Variants in SLIT3 observed in about 807,000 individuals in gnomAD.
SLIT3 encodes slit guidance ligand 3.
A neutral mutation model predicts 184.0 loss-of-function variants in SLIT3; 68 were observed. The observed-to-expected ratio is 0.37, with a 90% CI of 0.30 to 0.45. The LOEUF is 0.45. Ranked by LOEUF, SLIT3 falls within the 20% of genes least tolerant of loss-of-function variation. The probability of loss-of-function intolerance (pLI) is 1.00; values close to 1 mark genes in which losing one functional copy is unlikely to be tolerated. For synonymous variants in SLIT3, 831 were observed against 828.6 expected (o/e 1.00, Z -0.05); for missense variants, 1,707 against 2,026.0 (o/e 0.84, Z 3.02).
intron 4 of SLIT3, among the ~76,000 whole-genome samples, chr5:169,187,586 G>T (rs1380686254): frequency 1.5e-5 from 2 of 137,390 alleles, no homozygotes; most frequent in African/African-American, 5.4e-5. Flanking sequence ...AGACAGTCTC[G>T]CTCTGCCATC....
chr5:169,287,896 C>G (rs1767212519), intron 1 of SLIT3, among the ~76,000 whole-genome samples: 1 of 152,146 alleles, frequency 6.6e-6, no homozygotes, highest in South Asian at 2.1e-4. Flanking sequence ...CAAAAAGAAA[C>G]TCCACTGGCC....
At chr5:168,881,442 C>A (rs1390986938) in intron 5 of SLIT3, among the ~76,000 whole-genome samples, 1 of 152,192 alleles carries the variant, frequency 6.6e-6, no homozygotes, top group Non-Finnish European at 1.5e-5. Flanking sequence ...TACATCACTA[C>A]AATATGTTCT....
intron 29 of SLIT3, among the ~76,000 whole-genome samples, chr5:168,691,038 A>G (rs1409653250): frequency 2.0e-5 from 3 of 152,204 alleles, no homozygotes; most frequent in African/African-American, 7.2e-5. Flanking sequence ...CTCCTCCAGC[A>G]GCCTTTTCCT....
chr5:168,813,070 T>C (rs561219030), intron 8 of SLIT3, among the ~76,000 whole-genome samples: 1 of 152,314 alleles, frequency 6.6e-6, no homozygotes, highest in South Asian at 2.1e-4. Flanking sequence ...ACAAGACTAA[T>C]GTCTGTAGGA....
chr5:168,680,141 C>G (rs1369632629), intron 32 of SLIT3, among the ~76,000 whole-genome samples: 1 of 152,232 alleles, frequency 6.6e-6, no homozygotes, highest in Non-Finnish European at 1.5e-5. Context: ...ACCCTTTAGG[C>G]TACTGTAGCC....
intron 4 of SLIT3, among the ~76,000 whole-genome samples, chr5:168,939,105 G>T (rs560734744): frequency 1.3e-5 from 2 of 152,262 alleles, no homozygotes; most frequent in Non-Finnish European, 1.5e-5. Context: ...AGAAGCATGC[G>T]AGGAACCGGA....
rs1756802141 is a variant in SLIT3, at chr5:169,025,873, A to T, written c.414-142537T>A. ...CCTGCACTTTGTATTATCTGTTACTACCAGCCTGAACTCTCCCCTAGTTCC... is the reference window on the plus strand; with the variant it reads ...CCTGCACTTTGTATTATCTGTTACTTCCAGCCTGAACTCTCCCCTAGTTCC... On this transcript the variant is annotated intron_variant, in intron 4 of 35. Transcript: ENST00000519560. Among the ~76,000 whole-genome samples the T allele has an allele frequency of 2.0e-5, 3 of 152,270 alleles. 1 individual carries two copies. In the South Asian group the frequency reaches 6.2e-4, roughly 32 times the overall value.
chr5:169,160,627 T>A (rs1762446455), intron 4 of SLIT3, among the ~76,000 whole-genome samples: 1 of 152,200 alleles, frequency 6.6e-6, no homozygotes, highest in Non-Finnish European at 1.5e-5. Flanking sequence ...TATAAAGGCC[T>A]CATGGTGCCA....
intron 16 of SLIT3, among the ~76,000 whole-genome samples, chr5:168,756,035 C>A (rs1415130413): frequency 6.6e-6 from 1 of 152,224 alleles, no homozygotes; most frequent in East Asian, 1.9e-4. Flanking sequence ...CTATTCAGAG[C>A]CTTGCATGGG....
chr5:169,222,435 C>T (rs1764644668), intron 3 of SLIT3, among the ~76,000 whole-genome samples: 1 of 152,048 alleles, frequency 6.6e-6, no homozygotes. Context: ...AGTAAAGAAT[C>T]GTACACACAG....
intron 4 of SLIT3, among the ~76,000 whole-genome samples, chr5:168,907,956 A>ATTT (rs371886361): frequency 2.1e-5 from 1 of 47,542 alleles, no homozygotes; most frequent in Non-Finnish European, 4.7e-5. Context: ...ATATATATAT[A>ATTT]TATATATATA....
rs1285966545 is a variant in SLIT3 at position 169,300,429 on chromosome 5, G to A, written c.197+84C>T. ...TAGAGACTGCATCCAGGGAGGCCGA[G>A]GGGAAAGGACGGATCTGGCGCCTGG... On this transcript the variant is annotated intron_variant, in intron 1 of 35. Coordinates refer to ENST00000519560, the MANE Select transcript of SLIT3 (RefSeq NM_003062.4). The surrounding 1 kb of genome is among the most constrained non-coding windows in gnomAD (Gnocchi z 4.1). 3 of 1,363,850 alleles carry A rather than the reference G, an allele frequency of 2.2e-6. No individual in the cohort carries two copies. The highest frequency in any genetic ancestry group is 1.5e-5 in the African/African-American group (1 of 65,276). The allele number at this position is 1,363,850 out of a possible 1,614,324, so 84.5% of individuals were successfully genotyped here. A position where few individuals can be genotyped will look rare whatever the true frequency, so the allele number is the denominator to read the frequency against.
intron 3 of SLIT3, among the ~76,000 whole-genome samples, chr5:169,202,679 C>T (rs1429365663): frequency 6.6e-6 from 1 of 151,318 alleles, no homozygotes; most frequent in Non-Finnish European, 1.5e-5. Flanking sequence ...CTCAGGAAAT[C>T]CTTGCCCTAT....
intron 28 of SLIT3, among the ~76,000 whole-genome samples, chr5:168,695,675 G>A (rs1044061444): frequency 6.6e-6 from 1 of 152,142 alleles, no homozygotes; most frequent in African/African-American, 2.4e-5. Flanking sequence ...TAAAGGTTTT[G>A]TGTTTGGGGG....
chr5:168,854,096 A>G (rs1334063011), intron 5 of SLIT3, among the ~76,000 whole-genome samples: 4 of 152,170 alleles, frequency 2.6e-5, no homozygotes, highest in African/African-American at 9.7e-5. Flanking sequence ...CGGCTAGTAC[A>G]TGGGAGAGTC....
intron 4 of SLIT3, among the ~76,000 whole-genome samples, chr5:169,168,570 G>A (rs1762716899): frequency 2.0e-5 from 3 of 152,178 alleles, no homozygotes; most frequent in Admixed American, 6.5e-5. Context: ...ACGGCTCTAT[G>A]ATTTAGGTGT....
chr5:169,017,001 A>G (rs1316231244), intron 4 of SLIT3, among the ~76,000 whole-genome samples: 1 of 152,158 alleles, frequency 6.6e-6, no homozygotes, highest in African/African-American at 2.4e-5. Context: ...TCCGTCTCTA[A>G]GCTCCATACT....
At chr5:168,968,596 G>T (rs1328307472) in intron 4 of SLIT3, among the ~76,000 whole-genome samples, 2 of 152,232 alleles carry the variant, frequency 1.3e-5, no homozygotes, top group African/African-American at 2.4e-5. Context: ...GGGGAGACAT[G>T]ACATAAAACT....
intron 5 of SLIT3, among the ~76,000 whole-genome samples, chr5:168,870,733 G>T (rs1404088659): frequency 6.6e-6 from 1 of 152,124 alleles, no homozygotes; most frequent in Non-Finnish European, 1.5e-5. Context: ...CTCCCCATAG[G>T]CTCTTTGTGA....
Sources: allele counts gnomAD v4.1 joint callset (sites outside exome capture counted in the v4.1 genomes callset), GRCh38; gene constraint gnomAD v4.1.1; non-coding constraint Gnocchi (gnomAD v3.1); transcripts MANE v1.5; gene names NCBI Gene and HGNC (gene_info 2026-07-23, HGNC 2026-07-21).